CORO1C: variants seen among roughly 807,000 people sequenced by gnomAD.
CORO1C encodes coronin-1C.
In CORO1C, 14 loss-of-function variants were observed where a neutral mutation model predicts 51.2. That is an observed-to-expected ratio of 0.27 (90% CI 0.18 to 0.43). The LOEUF (loss-of-function observed/expected upper bound fraction) is 0.43, where lower values mean the gene tolerates loss of function less well. CORO1C is among the 20% of genes least tolerant of loss of function. The pLI, the probability that CORO1C is intolerant of heterozygous loss-of-function variation, is 1.00. For synonymous variants in CORO1C, 181 were observed against 210.5 expected (o/e 0.86, Z 1.21); for missense variants, 417 against 607.8 (o/e 0.69, Z 3.30).
intron 1 of CORO1C, among the ~76,000 whole-genome samples, chr12:108,727,161 C>T (rs1332560812): frequency 6.6e-6 from 1 of 152,228 alleles, no homozygotes; most frequent in African/African-American, 2.4e-5. Context: ...ATGTGAATTG[C>T]TCTATTGCAT....
At position 108,647,397 on chromosome 12, in the gene CORO1C, G is replaced by A. The variant is rs777569084; in HGVS notation, c.*6C>T. ...CATTTTTTCTGTAGGGGTGGGGGTG[G>A]GACCTTCAGGCTGCTATCTTTGCCA... On this transcript the variant is annotated 3_prime_UTR_variant, in exon 11 of 11. Transcript: ENST00000261401. 6.9e-5 allele frequency: 111 copies of A among 1,606,076 alleles called. No homozygotes were observed. The highest frequency in any genetic ancestry group is 3.1e-4 in the South Asian group (28 of 90,574).
At chr12:108,696,225 T>A (rs2034677142) in intron 2 of CORO1C, 1 of 152,138 alleles carries the variant, frequency 6.6e-6, no homozygotes, top group African/African-American at 2.4e-5. Flanking sequence ...TTCACAGTAT[T>A]TCACAATACT....
intron 2 of CORO1C, among the ~76,000 whole-genome samples, chr12:108,696,665 A>G (rs1283014304): frequency 1.3e-5 from 2 of 152,222 alleles, no homozygotes; most frequent in Non-Finnish European, 2.9e-5. Context: ...CAAAACCACA[A>G]AGCCAACTTA....
At chr12:108,663,826 G>A (rs1455096448) in intron 3 of CORO1C, among the ~76,000 whole-genome samples, 1 of 152,174 alleles carries the variant, frequency 6.6e-6, no homozygotes. Flanking sequence ...TGAATTCTAT[G>A]TGAATTATAT....
rs538588392 is a variant in CORO1C at position 108,657,717 on chromosome 12, A to G, written c.631-294T>C. Reference sequence around the variant, plus strand: ...TCTATGCACTGTGAAAATAAAACACATGAAAGGACTCTGACAAATGTTTGT... The same window carrying G: ...TCTATGCACTGTGAAAATAAAACACGTGAAAGGACTCTGACAAATGTTTGT... On this transcript the variant is annotated intron_variant, in intron 5 of 10. Transcript: ENST00000261401. Among the ~76,000 whole-genome samples the G allele has an allele frequency of 6.4e-4, 98 of 152,356 alleles. 4 individuals are homozygous for G. The South Asian group carries it at 0.02, about 31-fold the overall frequency.
At chr12:108,704,578 G>T (rs2034973984) in intron 1 of CORO1C, among the ~76,000 whole-genome samples, 1 of 152,218 alleles carries the variant, frequency 6.6e-6, no homozygotes, top group African/African-American at 2.4e-5. Flanking sequence ...AGAGTAGAAT[G>T]TTAGCTACAG....
intron 2 of CORO1C, among the ~76,000 whole-genome samples, chr12:108,696,700 A>G (rs563059993): frequency 6.6e-6 from 1 of 152,362 alleles, no homozygotes; most frequent in Non-Finnish European, 1.5e-5. Context: ...GCTATTATTC[A>G]TCCTCTGAAG....
intron 1 of CORO1C, among the ~76,000 whole-genome samples, chr12:108,729,870 T>C (rs1420471321): frequency 6.6e-6 from 1 of 152,212 alleles, no homozygotes; most frequent in East Asian, 1.9e-4. Flanking sequence ...TACTTAATCA[T>C]GTTTCTGTCT....
At position 108,676,047 on chromosome 12, in the gene CORO1C, A is replaced by C. The variant is rs138711508; in HGVS notation, c.318+2225T>G. ...AAAATGATGAAGGAGGAATCTTTAG[A>C]TTAAGACTTAAAAGACTACATATCA... On this transcript the variant is annotated intron_variant, in intron 3 of 10. Transcript: ENST00000261401. Among the ~76,000 whole-genome samples, 326 of 152,356 alleles carry C rather than the reference A, an allele frequency of 2.1e-3. 1 individual carries two copies. The highest frequency in any genetic ancestry group is 7.2e-3 in the African/African-American group (301 of 41,582).
At chr12:108,719,822 A>T (rs575331678) in intron 1 of CORO1C, among the ~76,000 whole-genome samples, 1 of 152,330 alleles carries the variant, frequency 6.6e-6, no homozygotes, top group South Asian at 2.1e-4. Flanking sequence ...GGTTCTTGCC[A>T]TATCTATCTT....
At chr12:108,711,866 C>T (rs2035190856) in intron 1 of CORO1C, among the ~76,000 whole-genome samples, 1 of 152,074 alleles carries the variant, frequency 6.6e-6, no homozygotes, top group Non-Finnish European at 1.5e-5. Context: ...ACAATTTTGA[C>T]ATTTTTCCTG....
intron 3 of CORO1C, among the ~76,000 whole-genome samples, chr12:108,672,655 TTG>T (rs2033761451): frequency 2.0e-5 from 3 of 150,820 alleles, no homozygotes. Context: ...TGTTTTTGTT[TTG>T]TTTTTTTTTT....
chr12:108,648,570 C>T (rs1234556003), intron 10 of CORO1C, 35 bp downstream of exon 10: 9 of 1,612,524 alleles, frequency 5.6e-6, no homozygotes, highest in African/African-American at 2.7e-5. Context: ...AAAGCCTGAA[C>T]CAGCCAAGCA....
intron 2 of CORO1C, among the ~76,000 whole-genome samples, chr12:108,689,970 G>A (rs865867796): frequency 5.9e-5 from 9 of 152,160 alleles, no homozygotes; most frequent in Non-Finnish European, 7.4e-5. Context: ...AGTCAAAAGC[G>A]TATCTATTGA....
At chr12:108,691,929 T>C (rs2034511192) in intron 2 of CORO1C, among the ~76,000 whole-genome samples, 1 of 152,104 alleles carries the variant, frequency 6.6e-6, no homozygotes, top group South Asian at 2.1e-4. Flanking sequence ...CGGGGTACAT[T>C]GGGAAGTTCC....
chr12:108,692,003 C>T (rs117508341), intron 2 of CORO1C, among the ~76,000 whole-genome samples: 1,659 of 152,224 alleles, frequency 0.011, 15 homozygotes, highest in Non-Finnish European at 0.017. Flanking sequence ...CCCACCCCTC[C>T]CAGCAAAACT....
At chr12:108,692,226 C>T (rs1312033442) in intron 2 of CORO1C, among the ~76,000 whole-genome samples, 1 of 152,094 alleles carries the variant, frequency 6.6e-6, no homozygotes, top group Non-Finnish European at 1.5e-5. Context: ...TGAAGGTGCT[C>T]CAGGCATCAG....
At chr12:108,726,852 G>A (rs2035605909) in intron 1 of CORO1C, among the ~76,000 whole-genome samples, 2 of 152,134 alleles carry the variant, frequency 1.3e-5, no homozygotes, top group Non-Finnish European at 1.5e-5. Context: ...AGTCATTACT[G>A]TTCATCGGGG....
At chr12:108,717,871 G>A (rs1455336697) in intron 1 of CORO1C, among the ~76,000 whole-genome samples, 1 of 151,984 alleles carries the variant, frequency 6.6e-6, no homozygotes, top group Non-Finnish European at 1.5e-5. Flanking sequence ...ATGTACTTTT[G>A]CTCGCAAAAG....
Sources: allele counts gnomAD v4.1 joint callset (sites outside exome capture counted in the v4.1 genomes callset), GRCh38; gene constraint gnomAD v4.1.1; transcripts MANE v1.5; gene names NCBI Gene and HGNC (gene_info 2026-07-23, HGNC 2026-07-21).